SH3BP4: variants seen among roughly 807,000 people sequenced by gnomAD.
The protein encoded by SH3BP4 is SH3 domain-binding protein 4.
SH3BP4 carries 33 observed loss-of-function variants against 65.5 expected under a neutral mutation model. The ratio of observed to expected loss-of-function variants is 0.50; its 90% confidence interval spans 0.38 to 0.67. The LOEUF (loss-of-function observed/expected upper bound fraction) is 0.67, where lower values mean the gene tolerates loss of function less well. Among genes scored for constraint, SH3BP4 ranks in the 30% least tolerant of loss-of-function variants. The probability of loss-of-function intolerance (pLI) is 0.00; values close to 1 mark genes in which losing one functional copy is unlikely to be tolerated. For missense variants in SH3BP4, 1,134 were observed against 1,261.4 expected, an observed-to-expected ratio of 0.90 and a Z score of 1.53; for synonymous variants, 552 against 545.5, an observed-to-expected ratio of 1.01 and a Z score of -0.17.
Position 235,052,260 on chromosome 2 carries a change from G to A in SH3BP4, c.2479-302G>A, listed in dbSNP as rs1390661757. ...CCTTGGTGACTTCCTCTAATCCAGA[G>A]GGACCTCATCTTAATTCTATCTGCA... On this transcript the variant is annotated intron_variant, in intron 4 of 5. Coordinates refer to ENST00000392011, the MANE Select transcript of SH3BP4 (RefSeq NM_014521.3). The surrounding 1 kb of genome is among the most constrained non-coding windows in gnomAD (Gnocchi z 5.0). 2.0e-5 allele frequency among the ~76,000 whole-genome samples: 3 copies of A among 152,058 alleles called. No homozygotes were observed. The highest frequency in any genetic ancestry group is 4.4e-5 in the Non-Finnish European group (3 of 68,014).
intron 1 of SH3BP4, among the ~76,000 whole-genome samples, chr2:234,980,165 C>G (rs933137467): frequency 2.0e-5 from 3 of 152,090 alleles, no homozygotes; most frequent in Non-Finnish European, 4.4e-5. Context: ...TGTAAGTAGT[C>G]CCCCCCTTAT....
At chr2:234,965,609 C>T (rs1692815640) in intron 1 of SH3BP4, among the ~76,000 whole-genome samples, 1 of 152,168 alleles carries the variant, frequency 6.6e-6, no homozygotes, top group African/African-American at 2.4e-5. Context: ...GTCATAAACA[C>T]TGATTTTTTT....
At position 234,976,402 on chromosome 2, in the gene SH3BP4, A is replaced by G. The variant is rs1014384925; in HGVS notation, c.-206-18901A>G. ...TTATAGTCAACTGATAGTTCTGAGT[A>G]GTTAAGTTAGATCCTTAGGGGGTGA... is the stretch of plus-strand genomic sequence containing the variant. On this transcript the variant is annotated intron_variant, in intron 1 of 5. Coordinates refer to ENST00000392011, the MANE Select transcript of SH3BP4 (RefSeq NM_014521.3). The surrounding 1 kb of genome is among the most constrained non-coding windows in gnomAD (Gnocchi z 4.7). Among the ~76,000 whole-genome samples, 2 of 152,206 alleles carry G rather than the reference A, an allele frequency of 1.3e-5. No individual in the cohort carries two copies. The highest frequency in any genetic ancestry group is 6.5e-5 in the Admixed American group (1 of 15,280).
chr2:235,043,048 C>A lies in SH3BP4; in HGVS notation c.2279C>A (p.Thr760Asn), dbSNP rs562205128. The change falls in exon 4 of 6, where the codon ACC (threonine) becomes AAC (asparagine). Residue 760 changes from threonine (T) to asparagine (N), a missense_variant. Coordinates refer to ENST00000392011, the MANE Select transcript of SH3BP4 (RefSeq NM_014521.3). ...FLTYIYASVR[T>N]LLMENISSWR... Reference sequence around the variant, plus strand: ...ACGTACATCTATGCCTCCGTGAGGACCCTGCTCATGGAGAACATCAGCAGC... The same window carrying A: ...ACGTACATCTATGCCTCCGTGAGGAACCTGCTCATGGAGAACATCAGCAGC... 1 of 1,612,464 alleles carries A rather than the reference C, an allele frequency of 6.2e-7. No individual in the cohort carries two copies. Among genetic ancestry groups the A allele is most frequent in the Non-Finnish European group, 8.5e-7 (1 of 1,179,118 alleles).
chr2:235,050,504 T>C (rs966279468), intron 4 of SH3BP4, among the ~76,000 whole-genome samples: 3 of 152,080 alleles, frequency 2.0e-5, no homozygotes, highest in African/African-American at 7.2e-5. Context: ...GGTAGCCAGC[T>C]GTCAGCCTCT....
intron 3 of SH3BP4, among the ~76,000 whole-genome samples, chr2:235,036,529 G>C (rs1695384356): frequency 6.6e-6 from 1 of 151,992 alleles, no homozygotes; most frequent in Non-Finnish European, 1.5e-5. Context: ...GCCGAGGCAG[G>C]CGGATCACGA....
chr2:234,973,103 C>A (rs1400427403), intron 1 of SH3BP4, among the ~76,000 whole-genome samples: 1 of 152,160 alleles, frequency 6.6e-6, no homozygotes, highest in Admixed American at 6.5e-5. Context: ...AATTAAAAAT[C>A]ACCCGACTTC....
At position 235,053,693 on chromosome 2, in the gene SH3BP4, G is replaced by A. The variant is rs377044880; in HGVS notation, c.2769G>A (p.Lys923=). 1.2e-6 allele frequency: 2 copies of A among 1,614,206 alleles called. No individual in the cohort carries two copies. Among genetic ancestry groups the A allele is most frequent in the Non-Finnish European group, 1.7e-6 (2 of 1,180,028 alleles). ...AGGAGCTGCACCTGGGCCTGGACAAGATGAAAAACCCCATCACCAAGCGCT... is the reference window on the plus strand; with the variant it reads ...AGGAGCTGCACCTGGGCCTGGACAAAATGAAAAACCCCATCACCAAGCGCT... ...VIQELHLGLD[K]MKNPITKRWK... Residue 923 remains lysine (K), a synonymous_variant, in exon 6 of 6, where the codon AAG becomes AAA. Coordinates refer to ENST00000392011, the MANE Select transcript of SH3BP4 (RefSeq NM_014521.3).
intron 2 of SH3BP4, among the ~76,000 whole-genome samples, chr2:235,031,035 T>C (rs532354963): frequency 1.3e-5 from 2 of 152,212 alleles, no homozygotes; most frequent in African/African-American, 4.8e-5. Flanking sequence ...TCTGGGGATT[T>C]ACAGAGCATT....
rs1347651872 is a variant in SH3BP4, at chr2:234,974,058, G to A, written c.-206-21245G>A. 2.6e-5 allele frequency among the ~76,000 whole-genome samples: 4 copies of A among 152,026 alleles called. No individual in the cohort carries two copies. The highest frequency in any genetic ancestry group is 1.5e-5 in the Non-Finnish European group (1 of 68,016). ...CTCAGCAGCTCCTCACTGGCTCTGG[G>A]AAAACTCATTTAGCGATTTGTGAAG... On this transcript the variant is annotated intron_variant, in intron 1 of 5. Coordinates refer to ENST00000392011, the MANE Select transcript of SH3BP4 (RefSeq NM_014521.3). This position sits in a 1 kb window ranked among gnomAD's most constrained non-coding sequence, Gnocchi z 4.6.
rs1258653448 is a variant in SH3BP4 at position 234,990,136 on chromosome 2, G to A, written c.-206-5167G>A. On this transcript the variant is annotated intron_variant, in intron 1 of 5. Coordinates refer to ENST00000392011, the MANE Select transcript of SH3BP4 (RefSeq NM_014521.3). ...ATCTGCAAGATATCTCATTGTGTAT[G>A]TGCAGATGTTCCAAAATCTGAAATC... Among the ~76,000 whole-genome samples, 8 of 152,230 alleles carry A rather than the reference G, an allele frequency of 5.3e-5. No homozygotes were observed. In the East Asian group the frequency reaches 5.8e-4, roughly 11 times the overall value.
chr2:234,988,114 C>T (rs1332527836), intron 1 of SH3BP4, among the ~76,000 whole-genome samples: 5 of 152,046 alleles, frequency 3.3e-5, no homozygotes, highest in Non-Finnish European at 1.5e-5. Context: ...GGCTGGAGTG[C>T]GGTGGTGTAA....
intron 1 of SH3BP4, among the ~76,000 whole-genome samples, chr2:234,984,381 T>A (rs1459537881): frequency 1.3e-5 from 2 of 151,674 alleles, no homozygotes; most frequent in African/African-American, 4.9e-5. Context: ...TTTTTTTTTT[T>A]AACTTTTTGT....
intron 1 of SH3BP4, among the ~76,000 whole-genome samples, chr2:234,966,979 A>C (rs892618480): frequency 6.6e-6 from 1 of 152,240 alleles, no homozygotes; most frequent in African/African-American, 2.4e-5. Flanking sequence ...GTGTTCATGC[A>C]TAACACATAT....
At chr2:234,990,081 A>G (rs889344421) in intron 1 of SH3BP4, among the ~76,000 whole-genome samples, 6 of 152,266 alleles carry the variant, frequency 3.9e-5, no homozygotes, top group African/African-American at 1.4e-4. Context: ...GATGAAACAT[A>G]AATGAATTTA....
At position 235,042,525 on chromosome 2, in the gene SH3BP4, G is replaced by T; in HGVS notation, c.1756G>T (p.Asp586Tyr). Reference protein sequence around the residue: ...ITSQNPNELSDFTLRVQVKDD... With the variant: ...ITSQNPNELSYFTLRVQVKDD... ...CTCCCAGAACCCCAACGAGCTCTCT[G>T]ACTTCACGCTGCGGGTTCAGGTGAA... The change falls in exon 4 of 6, where the codon GAC becomes TAC. Residue 586 changes from aspartate (D) to tyrosine (Y), a missense_variant. Coordinates refer to ENST00000392011, the MANE Select transcript of SH3BP4 (RefSeq NM_014521.3). The surrounding 1 kb of genome is among the most constrained non-coding windows in gnomAD (Gnocchi z 7.3). 1 of 1,614,146 alleles carries T rather than the reference G, an allele frequency of 6.2e-7. No individual in the cohort carries two copies. Among genetic ancestry groups the T allele is most frequent in the Non-Finnish European group, 8.5e-7 (1 of 1,180,042 alleles).
Position 235,041,551 on chromosome 2 carries a change from C to A in SH3BP4, c.782C>A (p.Thr261Lys), listed in dbSNP as rs749118568. Residue 261 changes from threonine (T) to lysine (K), a missense_variant, in exon 4 of 6, where the codon ACA becomes AAA. Physicochemically the swap from Thr to Lys is moderately conservative, Grantham distance 78. Coordinates refer to ENST00000392011, the MANE Select transcript of SH3BP4 (RefSeq NM_014521.3). This position sits in a 1 kb window ranked among gnomAD's most constrained non-coding sequence, Gnocchi z 6.0. ...CTCCAAGCCAAGTCCGATGCTCCCA[C>A]ATCGTCGAGTTTCTTCACCGGCTTG... ...SVLQAKSDAPTSSSFFTGLKS... is the reference protein window; with the variant it reads ...SVLQAKSDAPKSSSFFTGLKS... 5 of 1,614,042 alleles carry A rather than the reference C, an allele frequency of 3.1e-6. No homozygotes were observed. The highest frequency in any genetic ancestry group is 4.2e-6 in the Non-Finnish European group (5 of 1,180,048).
chr2:235,055,280 ACTTC>A lies in SH3BP4; in HGVS notation c.*1468_*1471del, dbSNP rs1182802524. The A allele has an allele frequency of 6.6e-6, 1 of 152,414 alleles. No individual in the cohort carries two copies. Among genetic ancestry groups the A allele is most frequent in the African/African-American group, 2.4e-5 (1 of 41,458 alleles). 9.4% of individuals were successfully genotyped at this position (152,414 alleles called of 1,614,324 possible). On this transcript the variant is annotated 3_prime_UTR_variant, in exon 6 of 6. Coordinates refer to ENST00000392011, the MANE Select transcript of SH3BP4 (RefSeq NM_014521.3). ...TAAAACTGCTTTCTTGAAACATGTTACTTCCTTAGTATAATCAATGTATACTCCC... is the reference window on the plus strand; with the variant it reads ...TAAAACTGCTTTCTTGAAACATGTTACTTAGTATAATCAATGTATACTCCC...
chr2:234,985,814 T>C (rs1316229507), intron 1 of SH3BP4, among the ~76,000 whole-genome samples: 2 of 151,686 alleles, frequency 1.3e-5, no homozygotes, highest in African/African-American at 4.9e-5. Flanking sequence ...GACACACGCC[T>C]ACGAGCTCAA....
Sources: allele counts gnomAD v4.1 joint callset (sites outside exome capture counted in the v4.1 genomes callset), GRCh38; gene constraint gnomAD v4.1.1; non-coding constraint Gnocchi (gnomAD v3.1); transcripts MANE v1.5; gene names NCBI Gene and HGNC (gene_info 2026-07-23, HGNC 2026-07-21).